TTLL13: variants seen among roughly 807,000 people sequenced by gnomAD.
The protein encoded by TTLL13 is tubulin polyglutamylase TTLL13.
chr15:90,251,697 G>C, the TTLL13 span: 2 of 1,343,522 alleles, frequency 1.5e-6, no homozygotes, highest in Non-Finnish European at 2.1e-6. Flanking sequence ...CAGCCCCTGG[G>C]GCCTGGCGGG....
chr15:90,262,714 T>C, the TTLL13 span: 1 of 1,433,428 alleles, frequency 7.0e-7, no homozygotes, highest in Non-Finnish European at 9.1e-7. Context: ...GGAAAATGGG[T>C]TGGGACAACT....
At chr15:90,261,893 G>A in the TTLL13 span, 2 of 855,144 alleles carry the variant, frequency 2.3e-6, no homozygotes, top group Non-Finnish European at 3.4e-6. Flanking sequence ...TTGGGCAGGG[G>A]CCCAGGAGGT....
chr15:90,262,362 C>T, the TTLL13 span: 20 of 1,160,582 alleles, frequency 1.7e-5, no homozygotes, highest in African/African-American at 2.3e-4. Context: ...CTATCTTCCC[C>T]TCTCATTGCT....
At chr15:90,257,229 G>GC in the TTLL13 span, 117 of 1,613,970 alleles carry the variant, frequency 7.2e-5, 2 homozygotes, top group South Asian at 1.1e-3. Flanking sequence ...TATGAGGAGG[G>GC]CCTAGCCCGT....
chr15:90,254,857 A>T, the TTLL13 span, among the ~76,000 whole-genome samples: 8 of 142,704 alleles, frequency 5.6e-5, no homozygotes, highest in South Asian at 1.5e-3. Context: ...GGGAAGGGGG[A>T]AAAAAAAAGG....
At chr15:90,257,643 G>C in the TTLL13 span, 1 of 1,614,182 alleles carries the variant, frequency 6.2e-7, no homozygotes, top group Non-Finnish European at 8.5e-7. Flanking sequence ...ACAGGACAAT[G>C]TCTGCATGCA....
At chr15:90,257,431 G>A in the TTLL13 span, 1 of 1,252,866 alleles carries the variant, frequency 8.0e-7, no homozygotes, top group Admixed American at 2.6e-5. Context: ...GCAAGTGTTT[G>A]GTAGGTGGTG....
the TTLL13 span, chr15:90,258,834 T>G: frequency 1.2e-6 from 2 of 1,614,110 alleles, no homozygotes; most frequent in Non-Finnish European, 1.7e-6. Flanking sequence ...CTTGTCAACC[T>G]CCGGGGCTGT....
At chr15:90,262,943 T>G in the TTLL13 span, 4 of 1,531,014 alleles carry the variant, frequency 2.6e-6, no homozygotes, top group Non-Finnish European at 3.5e-6. Flanking sequence ...AGATCCTGCA[T>G]TTATCTCTCA....
the TTLL13 span, chr15:90,251,659 C>T: frequency 6.4e-7 from 1 of 1,569,886 alleles, no homozygotes; most frequent in Non-Finnish European, 8.8e-7. Flanking sequence ...GCTGTTCTTC[C>T]TCTGGAATGG....
At chr15:90,259,001 T>C in the TTLL13 span, 23 of 1,609,846 alleles carry the variant, frequency 1.4e-5, no homozygotes, top group Non-Finnish European at 1.8e-5. Context: ...AGATGAAGAA[T>C]GTGGCCTGGG....
chr15:90,256,782 G>A, the TTLL13 span, among the ~76,000 whole-genome samples: 1 of 151,894 alleles, frequency 6.6e-6, no homozygotes, highest in Admixed American at 6.6e-5. Flanking sequence ...TCCGCCTCCC[G>A]GGTTCAAGCA....
At chr15:90,259,692 G>GT in the TTLL13 span, among the ~76,000 whole-genome samples, 1 of 152,154 alleles carries the variant, frequency 6.6e-6, no homozygotes, top group Non-Finnish European at 1.5e-5. Flanking sequence ...TAGCTGGTTT[G>GT]TTTTTCTAAC....
chr15:90,250,819 G>A, the TTLL13 span: 1 of 1,613,538 alleles, frequency 6.2e-7, no homozygotes, highest in Non-Finnish European at 8.5e-7. Flanking sequence ...AAATTCCGAA[G>A]AAAGTCATAG....
chr15:90,255,275 G>A, the TTLL13 span, among the ~76,000 whole-genome samples: 1 of 152,232 alleles, frequency 6.6e-6, no homozygotes, highest in African/African-American at 2.4e-5. Flanking sequence ...GAGCAGCCAG[G>A]GGTTTCTGGC....
the TTLL13 span, chr15:90,250,883 CG>C: frequency 7.1e-5 from 115 of 1,613,458 alleles, no homozygotes; most frequent in Non-Finnish European, 9.7e-5. Context: ...AAGGCGGAAA[CG>C]CAGGTAACTA....
At chr15:90,262,675 A>G in the TTLL13 span, 1 of 1,476,318 alleles carries the variant, frequency 6.8e-7, no homozygotes, top group Non-Finnish European at 8.9e-7. Flanking sequence ...AAGAGGTGCC[A>G]GGGGTTTTGT....
chr15:90,259,018 T>C, the TTLL13 span: 100 of 1,599,824 alleles, frequency 6.3e-5, no homozygotes, highest in African/African-American at 1.2e-3. Context: ...TGGGGCTGAT[T>C]TGCTATCAAA....
the TTLL13 span, among the ~76,000 whole-genome samples, chr15:90,256,769 A>T: frequency 6.7e-6 from 1 of 149,226 alleles, no homozygotes; most frequent in African/African-American, 2.5e-5. Flanking sequence ...GCTCCCTGCA[A>T]CCTCCGCCTC....
Sources: gnomAD v4.1 joint callset for allele counts (sites outside exome capture counted in the v4.1 genomes callset) on GRCh38, gnomAD v4.1.1 for gene constraint, MANE v1.5 for transcripts, NCBI Gene and HGNC (gene_info 2026-07-23, HGNC 2026-07-21) for gene names.